COPG2: variants seen among roughly 807,000 people sequenced by gnomAD.
The protein encoded by COPG2 is coat protein complex I subunit gamma 2, also known as coatomer subunit gamma-2.
A neutral mutation model predicts 46.3 loss-of-function variants in COPG2; 37 were observed. The ratio of observed to expected loss-of-function variants is 0.80; its 90% CI spans 0.61 to 1.05. COPG2 has a LOEUF of 1.05. Among genes scored for constraint, COPG2 ranks in the 50% least tolerant of loss-of-function variants. COPG2 has a pLI of 0.00. For missense variants in COPG2, 427 were observed against 387.8 expected (o/e 1.10, Z -0.85); for synonymous variants, 159 against 129.7 (o/e 1.23, Z -1.53).
chr7:130,651,332 T>C (rs1162769749), intron 5 of COPG2, among the ~76,000 whole-genome samples: 1 of 151,768 alleles, frequency 6.6e-6, no homozygotes. Context: ...GTTTTTTTTT[T>C]CTGAGACTGA....
chr7:130,549,210 T>C (rs1168064994), intron 18 of COPG2, 104 bp downstream of exon 18: 3 of 397,456 alleles, frequency 7.5e-6, no homozygotes, highest in African/African-American at 2.1e-5. Flanking sequence ...CACACGAAGA[T>C]TTCCTATATT....
intron 9 of COPG2, among the ~76,000 whole-genome samples, chr7:130,579,763 G>C (rs1306574234): frequency 1.3e-5 from 2 of 151,154 alleles, no homozygotes; most frequent in African/African-American, 4.8e-5. Flanking sequence ...ATTACATAAT[G>C]GTAAAGGGAT....
chr7:130,563,186 T>C, intron 11 of COPG2, 83 bp downstream of exon 11: 1 of 394,290 alleles, frequency 2.5e-6, no homozygotes, highest in Non-Finnish European at 4.5e-6. Flanking sequence ...ATACTAACCT[T>C]GGAGAGAAAA....
chr7:130,650,129 C>A (rs575758904), intron 5 of COPG2, among the ~76,000 whole-genome samples: 1 of 152,076 alleles, frequency 6.6e-6, no homozygotes, highest in East Asian at 1.9e-4. Flanking sequence ...CATCTCTGAC[C>A]TTGTTTCCAT....
chr7:130,557,532 C>T (rs1793646487), intron 12 of COPG2, among the ~76,000 whole-genome samples: 1 of 152,098 alleles, frequency 6.6e-6, no homozygotes, highest in African/African-American at 2.4e-5. Context: ...TGTGGCTGGG[C>T]ATGGTGGCTC....
chr7:130,621,186 A>T (rs1795033613), intron 5 of COPG2, among the ~76,000 whole-genome samples: 2 of 152,120 alleles, frequency 1.3e-5, no homozygotes, highest in South Asian at 4.1e-4. Flanking sequence ...AAGGCAAGAA[A>T]ACAGATTTTG....
chr7:130,591,838 C>T (rs1291962330), intron 9 of COPG2, among the ~76,000 whole-genome samples: 7 of 151,826 alleles, frequency 4.6e-5, no homozygotes, highest in East Asian at 2.0e-4. Context: ...CGCCTCTGTC[C>T]GGCCACCCCT....
At chr7:130,564,580 C>G in intron 9 of COPG2, 187 bp from the exon 10 acceptor site, 1 of 389,396 alleles carries the variant, frequency 2.6e-6, no homozygotes, top group Non-Finnish European at 4.5e-6. Flanking sequence ...TTGCAGAACT[C>G]TAAAAAATTA....
chr7:130,665,601 G>C (rs1221427010), intron 3 of COPG2, among the ~76,000 whole-genome samples: 2 of 152,028 alleles, frequency 1.3e-5, no homozygotes, highest in East Asian at 1.9e-4. Context: ...GTAATCTAGA[G>C]ATTATAGTCT....
intron 20 of COPG2, among the ~76,000 whole-genome samples, chr7:130,535,630 A>C: frequency 6.1e-5 from 3 of 48,860 alleles, no homozygotes; most frequent in Admixed American, 2.6e-4. Context: ...CCGGCAGGGA[A>C]GGGTGGGCTG....
chr7:130,526,862 T>TGGGTTTGGGATG (rs1250907919), intron 20 of COPG2, among the ~76,000 whole-genome samples: 1 of 77,360 alleles, frequency 1.3e-5, no homozygotes, highest in African/African-American at 5.0e-5. Flanking sequence ...GATTTGGGAT[T>TGGGTTTGGGATG]GGGTTTGGGA....
intron 9 of COPG2, among the ~76,000 whole-genome samples, chr7:130,578,583 G>A (rs1794063169): frequency 6.6e-6 from 1 of 151,524 alleles, no homozygotes; most frequent in South Asian, 2.1e-4. Context: ...CAAAGGCAAA[G>A]AAGTTGAAAG....
At chr7:130,535,981 C>T (rs1055115079) in intron 20 of COPG2, among the ~76,000 whole-genome samples, 3 of 151,682 alleles carry the variant, frequency 2.0e-5, no homozygotes, top group Non-Finnish European at 4.4e-5. Context: ...GGCACCTGGT[C>T]AGTGATATGA....
At chr7:130,566,090 A>G (rs1192313508) in intron 9 of COPG2, among the ~76,000 whole-genome samples, 1 of 152,212 alleles carries the variant, frequency 6.6e-6, no homozygotes, top group Non-Finnish European at 1.5e-5. Context: ...TATGTACCCA[A>G]GAGGCTCAAA....
intron 9 of COPG2, among the ~76,000 whole-genome samples, chr7:130,599,121 G>A (rs1794584316): frequency 6.6e-6 from 1 of 152,186 alleles, no homozygotes; most frequent in Non-Finnish European, 1.5e-5. Flanking sequence ...GCAGGAAGCA[G>A]ATATAGAAAA....
intron 9 of COPG2, chr7:130,602,843 C>T (rs1226898845): frequency 1.3e-5 from 2 of 152,108 alleles, no homozygotes; most frequent in African/African-American, 4.8e-5. Flanking sequence ...CAAGTACTAA[C>T]CAGGCCCAAC....
chr7:130,645,387 C>A, intron 5 of COPG2: 1 of 537,436 alleles, frequency 1.9e-6, no homozygotes. Context: ...CCTCCAGGAC[C>A]GACTCCATGG....
At chr7:130,646,566 T>C (rs1795598671) in intron 5 of COPG2, among the ~76,000 whole-genome samples, 2 of 152,200 alleles carry the variant, frequency 1.3e-5, no homozygotes, top group South Asian at 4.1e-4. Flanking sequence ...CATGAGTTTA[T>C]ATTTTAGTGC....
chr7:130,653,249 G>T (rs1238083823), intron 4 of COPG2, among the ~76,000 whole-genome samples: 1 of 152,064 alleles, frequency 6.6e-6, no homozygotes, highest in Non-Finnish European at 1.5e-5. Flanking sequence ...AAGGTTTTTT[G>T]TTTTGTCTTG....
Sources: allele counts gnomAD v4.1 joint callset (sites outside exome capture counted in the v4.1 genomes callset), GRCh38; gene constraint gnomAD v4.1.1; transcripts MANE v1.5; gene names NCBI Gene and HGNC (gene_info 2026-07-23, HGNC 2026-07-21).